The following MET variants were observed in gnomAD, a reference collection of about 807,000 sequenced individuals.
MET encodes the protein hepatocyte growth factor receptor.
Under a neutral mutation model 133.1 loss-of-function variants are expected in MET, and 48 were observed. That is an observed-to-expected ratio of 0.36 (90% confidence interval 0.29 to 0.46). MET has a LOEUF of 0.46. MET is among the 20% of genes least tolerant of loss of function. The pLI is 1.00. For missense variants in MET, 1,442 were observed against 1,695.9 expected (o/e 0.85, Z 2.63); for synonymous variants, 628 against 616.5 (o/e 1.02, Z -0.28).
chr7:116,691,243 TAGA>T (rs1017944490), intron 1 of MET, among the ~76,000 whole-genome samples: 37 of 152,210 alleles, frequency 2.4e-4, no homozygotes, highest in African/African-American at 8.7e-4. Flanking sequence ...GTAAATATTG[TAGA>T]AGATTTTAGA....
At chr7:116,731,551 T>C (rs1793003372) in intron 2 of MET, 117 bp from the exon 3 acceptor site, 2 of 1,032,384 alleles carry the variant, frequency 1.9e-6, no homozygotes, top group Non-Finnish European at 3.0e-6. Context: ...TATTTGTCTA[T>C]TTGCATGATT....
intron 11 of MET, among the ~76,000 whole-genome samples, chr7:116,764,218 T>C (rs1357624089): frequency 2.6e-5 from 4 of 152,206 alleles, no homozygotes; most frequent in African/African-American, 9.6e-5. Flanking sequence ...TATGTTCACG[T>C]TCATACAAGT....
At position 116,775,002 on chromosome 7, in the gene MET, T is replaced by C; in HGVS notation, c.3150T>C (p.Thr1050=). The change falls in exon 15 of 21, where the codon ACT becomes ACC. Residue 1050 remains threonine, a synonymous_variant. Coordinates refer to ENST00000397752, the MANE Select transcript of MET (RefSeq NM_000245.4). The stretch of plus-strand genomic sequence containing the variant: ...TATCCAGTCCATTACTGCAAAATAC[T>C]GTCCACATTGACCTCAGTGCTCTAA... ...SDISSPLLQN[T]VHIDLSALNP... The C allele has an allele frequency of 3.7e-6, 6 of 1,614,226 alleles. No homozygotes were observed. The highest frequency in any genetic ancestry group is 4.2e-6 in the Non-Finnish European group (5 of 1,180,024).
At chr7:116,764,476 TTGA>T (rs1794538919) in intron 11 of MET, among the ~76,000 whole-genome samples, 1 of 152,140 alleles carries the variant, frequency 6.6e-6, no homozygotes, top group South Asian at 2.1e-4. Context: ...TTGGTTTTTC[TTGA>T]TGATAACAAA....
chr7:116,763,856 A>G (rs927420616), intron 11 of MET, among the ~76,000 whole-genome samples: 1 of 152,230 alleles, frequency 6.6e-6, no homozygotes, highest in Non-Finnish European at 1.5e-5. Context: ...TTGACAAGTG[A>G]CAAAATAGTG....
intron 3 of MET, among the ~76,000 whole-genome samples, chr7:116,736,449 AT>A (rs935347885): frequency 1.8e-4 from 27 of 152,240 alleles, no homozygotes; most frequent in Admixed American, 1.6e-3. Context: ...CTTAAATTGT[AT>A]TCATCATTCT....
chr7:116,782,145 G>A (rs1795176748), intron 18 of MET, 48 bp downstream of exon 18: 1 of 1,311,208 alleles, frequency 7.6e-7, no homozygotes, highest in Non-Finnish European at 1.1e-6. Context: ...GTGACAAGGA[G>A]GAATCTGTTT....
At chr7:116,702,640 A>G (rs1791623572) in intron 2 of MET, among the ~76,000 whole-genome samples, 3 of 152,176 alleles carry the variant, frequency 2.0e-5, no homozygotes, top group African/African-American at 7.2e-5. Flanking sequence ...CTGAGTTTTT[A>G]CTTTGGCATC....
At chr7:116,726,304 A>G (rs1341501832) in intron 2 of MET, among the ~76,000 whole-genome samples, 1 of 149,528 alleles carries the variant, frequency 6.7e-6, no homozygotes, top group East Asian at 2.0e-4. Context: ...GTAAACAACA[A>G]TTGTAAGTCA....
chr7:116,763,464 T>TA (rs1404521953), intron 11 of MET, 196 bp downstream of exon 11: 5 of 604,886 alleles, frequency 8.3e-6, no homozygotes, highest in South Asian at 2.0e-5. Context: ...AATGAAGCAT[T>TA]AAAAAACCCT....
chr7:116,701,846 TAA>T (rs1791592089), intron 2 of MET, among the ~76,000 whole-genome samples: 1 of 152,118 alleles, frequency 6.6e-6, no homozygotes, highest in South Asian at 2.1e-4. Context: ...ACACAAGTTT[TAA>T]AAGAGTCTAT....
At chr7:116,761,145 T>A (rs999636479) in intron 10 of MET, among the ~76,000 whole-genome samples, 2 of 152,182 alleles carry the variant, frequency 1.3e-5, no homozygotes, top group African/African-American at 4.8e-5. Context: ...TCATTTGTAA[T>A]CAAATATTTA....
At chr7:116,716,971 G>A (rs1248645608) in intron 2 of MET, among the ~76,000 whole-genome samples, 1 of 152,158 alleles carries the variant, frequency 6.6e-6, no homozygotes, top group Non-Finnish European at 1.5e-5. Context: ...CCCCAGCTTT[G>A]CTCCCTTGCT....
intron 6 of MET, among the ~76,000 whole-genome samples, chr7:116,756,056 C>T (rs1341180148): frequency 2.6e-5 from 4 of 152,162 alleles, no homozygotes; most frequent in Non-Finnish European, 5.9e-5. Context: ...ACCATCCCCA[C>T]GGTCCTGGGA....
intron 2 of MET, among the ~76,000 whole-genome samples, chr7:116,728,064 G>A (rs1792859964): frequency 6.6e-6 from 1 of 152,180 alleles, no homozygotes; most frequent in Non-Finnish European, 1.5e-5. Flanking sequence ...CACCTCTGCT[G>A]CAGCAAATGC....
At chr7:116,732,139 C>T (rs568969775) in intron 3 of MET, among the ~76,000 whole-genome samples, 6 of 152,084 alleles carry the variant, frequency 3.9e-5, no homozygotes, top group South Asian at 4.1e-4. Flanking sequence ...ATTTCTGTCA[C>T]GTGATTGGAA....
intron 2 of MET, among the ~76,000 whole-genome samples, chr7:116,720,508 A>T (rs895395329): frequency 2.6e-5 from 3 of 117,016 alleles, no homozygotes; most frequent in African/African-American, 1.1e-4. Flanking sequence ...CCTGGCCAGA[A>T]CTTCCAACAC....
chr7:116,678,095 C>T (rs564876950), intron 1 of MET, among the ~76,000 whole-genome samples: 1 of 152,152 alleles, frequency 6.6e-6, no homozygotes, highest in South Asian at 2.1e-4. Context: ...TTTCCAGTGC[C>T]CTTTAAAAGC....
Position 116,739,945 on chromosome 7 carries a change from T to A in MET, c.1393-5T>A, listed in dbSNP as rs2116825440. On this transcript the variant is annotated splice_polypyrimidine_tract_variant and splice_region_variant and intron_variant, in intron 3 of 20. Transcript: ENST00000397752. ...TAAGGATGTTATAACTTTTTTGCTG[T>A]TTAGGTTGTGGTTTCTCGATCAGGA... 1 of 1,614,078 alleles carries A rather than the reference T, an allele frequency of 6.2e-7. No homozygotes were observed. Among genetic ancestry groups the A allele is most frequent in the Non-Finnish European group, 8.5e-7 (1 of 1,179,922 alleles).
Sources: gnomAD v4.1 joint callset for allele counts (sites outside exome capture counted in the v4.1 genomes callset) on GRCh38, gnomAD v4.1.1 for gene constraint, MANE v1.5 for transcripts, NCBI Gene and HGNC (gene_info 2026-07-23, HGNC 2026-07-21) for gene names.